The following NEGR1 variants were observed in gnomAD, a reference collection of about 807,000 sequenced individuals.
NEGR1 encodes neuronal growth regulator 1, also known as IgLON family member 4.
A neutral mutation model predicts 40.9 loss-of-function variants in NEGR1; 10 were observed. The ratio of observed to expected loss-of-function variants is 0.24; its 90% CI spans 0.15 to 0.42. The LOEUF is 0.42. Ranked by LOEUF, NEGR1 falls within the 10% of genes least tolerant of loss-of-function variation. The probability of loss-of-function intolerance (pLI) is 1.00; values close to 1 mark genes in which losing one functional copy is unlikely to be tolerated. For synonymous variants in NEGR1, 185 were observed against 166.8 expected (o/e 1.11, Z -0.84); for missense variants, 352 against 438.9 (o/e 0.80, Z 1.77).
chr1:71,514,858 C>T (rs2101422188), intron 6 of NEGR1, among the ~76,000 whole-genome samples: 1 of 103,396 alleles, frequency 9.7e-6, no homozygotes, highest in Non-Finnish European at 1.8e-5. Flanking sequence ...ACTAGAATAA[C>T]CAATACAGAG....
intron 4 of NEGR1, among the ~76,000 whole-genome samples, chr1:71,690,192 C>T (rs1368487934): frequency 1.3e-5 from 2 of 151,870 alleles, no homozygotes; most frequent in Non-Finnish European, 2.9e-5. Context: ...GGCAATTCCT[C>T]TGAAGTTTAA....
At position 72,002,327 on chromosome 1, in the gene NEGR1, C is replaced by A. The variant is rs550490479; in HGVS notation, c.177-67016G>T. Among the ~76,000 whole-genome samples the A allele has an allele frequency of 7.2e-5, 11 of 151,996 alleles. No individual in the cohort carries two copies. In the South Asian group the frequency reaches 2.3e-3, roughly 32 times the overall value. On this transcript the variant is annotated intron_variant, in intron 1 of 6. Coordinates refer to ENST00000357731, the MANE Select transcript of NEGR1 (RefSeq NM_173808.3). ...AATTTGTTATAAAATAAAAAAAATT[C>A]ACAATAAATAATTTTAAAGTATAGC...
chr1:71,555,731 T>G (rs369287875), intron 6 of NEGR1, among the ~76,000 whole-genome samples: 4 of 151,596 alleles, frequency 2.6e-5, no homozygotes, highest in African/African-American at 9.7e-5. Context: ...CTGTATGTAT[T>G]CCCTCTTTGA....
intron 2 of NEGR1, among the ~76,000 whole-genome samples, chr1:71,807,843 T>A (rs1208188382): frequency 6.6e-6 from 1 of 152,106 alleles, no homozygotes; most frequent in Non-Finnish European, 1.5e-5. Context: ...AGCTCTGAGA[T>A]TTCTAAGCAC....
intron 6 of NEGR1, among the ~76,000 whole-genome samples, chr1:71,465,252 G>C (rs1024094022): frequency 6.6e-6 from 1 of 152,086 alleles, no homozygotes; most frequent in Non-Finnish European, 1.5e-5. Context: ...CTCTGTGCCA[G>C]CCACTACGCT....
intron 2 of NEGR1, among the ~76,000 whole-genome samples, chr1:71,922,220 C>T (rs947192619): frequency 2.0e-5 from 3 of 152,072 alleles, no homozygotes; most frequent in Non-Finnish European, 4.4e-5. Context: ...GAGGAGACAC[C>T]GCCTGTGACA....
intron 1 of NEGR1, among the ~76,000 whole-genome samples, chr1:72,007,558 G>T (rs938701644): frequency 2.0e-5 from 3 of 151,928 alleles, no homozygotes; most frequent in Non-Finnish European, 2.9e-5. Flanking sequence ...ACTGTCTTAT[G>T]GCCACTAGTT....
In NEGR1 at chr1:71,716,732, C is replaced by T. The variant is rs193085740; in HGVS notation, c.536-18593G>A. Among the ~76,000 whole-genome samples, 9 of 152,126 alleles carry T rather than the reference C, an allele frequency of 5.9e-5. No homozygotes were observed. The East Asian group carries it at 1.8e-3, about 30-fold the overall frequency. ...TTTACTCAATATAGCACTCACAGGG[C>T]CTTTCTCACTGCTATCATACATTTT... On this transcript the variant is annotated intron_variant, in intron 3 of 6. Coordinates refer to ENST00000357731, the MANE Select transcript of NEGR1 (RefSeq NM_173808.3).
At chr1:72,188,477 G>A (rs768680757) in intron 1 of NEGR1, among the ~76,000 whole-genome samples, 1 of 151,358 alleles carries the variant, frequency 6.6e-6, no homozygotes, top group East Asian at 1.9e-4. Flanking sequence ...TATTCTTTTA[G>A]AGCCTATACT....
intron 1 of NEGR1, among the ~76,000 whole-genome samples, chr1:72,197,693 T>C (rs187309535): frequency 6.6e-6 from 1 of 152,086 alleles, no homozygotes; most frequent in East Asian, 1.9e-4. Flanking sequence ...TTCTCTTTCA[T>C]ATAATATTAC....
intron 1 of NEGR1, among the ~76,000 whole-genome samples, chr1:72,130,291 G>GT (rs1305484949): frequency 6.6e-6 from 1 of 152,096 alleles, no homozygotes; most frequent in African/African-American, 2.4e-5. Flanking sequence ...AGTTGTTTAG[G>GT]TTTTTTGCCC....
intron 1 of NEGR1, among the ~76,000 whole-genome samples, chr1:71,945,544 C>T (rs917700435): frequency 9.2e-5 from 14 of 152,170 alleles, no homozygotes; most frequent in Non-Finnish European, 1.8e-4. Flanking sequence ...TTATAGGTAG[C>T]TAATTGTCAT....
chr1:71,976,159 G>A (rs1010475582), intron 1 of NEGR1, among the ~76,000 whole-genome samples: 3 of 152,144 alleles, frequency 2.0e-5, no homozygotes, highest in African/African-American at 7.2e-5. Context: ...AATCTAGAAT[G>A]AATTAATCTA....
intron 6 of NEGR1, among the ~76,000 whole-genome samples, chr1:71,498,274 C>T (rs1351526138): frequency 6.6e-6 from 1 of 151,636 alleles, no homozygotes; most frequent in Non-Finnish European, 1.5e-5. Flanking sequence ...ATACTTCCTT[C>T]TGGTGTAGTA....
At chr1:71,905,697 A>G (rs1661256782) in intron 2 of NEGR1, among the ~76,000 whole-genome samples, 1 of 152,100 alleles carries the variant, frequency 6.6e-6, no homozygotes, top group South Asian at 2.1e-4. Flanking sequence ...TAAAGCTGGC[A>G]GAAATAAGAT....
intron 4 of NEGR1, among the ~76,000 whole-genome samples, chr1:71,662,255 G>T (rs57388922): frequency 0.073 from 11,174 of 152,228 alleles, 518 homozygotes; most frequent in East Asian, 0.12. Context: ...AATTGGGAAA[G>T]AATTAAATAA....
At chr1:71,682,383 T>C (rs1652868001) in intron 4 of NEGR1, among the ~76,000 whole-genome samples, 1 of 152,210 alleles carries the variant, frequency 6.6e-6, no homozygotes, top group Admixed American at 6.5e-5. Flanking sequence ...AAAGTTTATT[T>C]TTCTTGTCTG....
At chr1:71,647,802 C>A (rs1234767771) in intron 4 of NEGR1, among the ~76,000 whole-genome samples, 1 of 151,932 alleles carries the variant, frequency 6.6e-6, no homozygotes, top group East Asian at 1.9e-4. Context: ...ATATACTGAA[C>A]TACAGCAGCC....
At chr1:71,997,288 C>T (rs1316114404) in intron 1 of NEGR1, among the ~76,000 whole-genome samples, 7 of 151,954 alleles carry the variant, frequency 4.6e-5, no homozygotes, top group Non-Finnish European at 7.4e-5. Context: ...AATTTACTTT[C>T]CCAAGTTTAA....
Sources: gnomAD v4.1 joint callset for allele counts (sites outside exome capture counted in the v4.1 genomes callset) on GRCh38, gnomAD v4.1.1 for gene constraint, MANE v1.5 for transcripts, NCBI Gene and HGNC (gene_info 2026-07-23, HGNC 2026-07-21) for gene names.